Variants in TCF4 observed in about 807,000 individuals in gnomAD.
TCF4 encodes SL3-3 enhancer factor 2.
Under a neutral mutation model 82.1 loss-of-function variants are expected in TCF4, and 3 were observed. The ratio of observed to expected loss-of-function variants is 0.04; its 90% CI spans 0.02 to 0.09. The LOEUF (loss-of-function observed/expected upper bound fraction) is 0.09, where lower values mean the gene tolerates loss of function less well. Among genes scored for constraint, TCF4 ranks in the 10% least tolerant of loss-of-function variants. TCF4 has a pLI of 1.00. For synonymous variants in TCF4, 276 were observed against 309.6 expected, an observed-to-expected ratio of 0.89 and a Z score of 1.14; for missense variants, 518 against 852.7, an observed-to-expected ratio of 0.61 and a Z score of 4.89.
intron 3 of TCF4, among the ~76,000 whole-genome samples, chr18:55,522,103 A>C (rs2096938070): frequency 6.6e-6 from 1 of 152,146 alleles, no homozygotes; most frequent in South Asian, 2.1e-4. Flanking sequence ...TGTAGACAAA[A>C]CTAAAAACTG....
chr18:55,485,872 A>G lies in TCF4; in HGVS notation c.146-21735T>C, dbSNP rs574727424. On this transcript the variant is annotated intron_variant, in intron 3 of 19. Coordinates refer to ENST00000354452, the MANE Select transcript of TCF4 (RefSeq NM_001083962.2). ...GATCAGCTACCATTTGGCAAACCAC[A>G]CTGTCTGGATGTGTCACACACACAG... 5.9e-5 allele frequency among the ~76,000 whole-genome samples: 9 copies of G among 152,278 alleles called. No individual in the cohort carries two copies. The East Asian group carries it at 1.7e-3, about 29-fold the overall frequency.
intron 8 of TCF4, among the ~76,000 whole-genome samples, chr18:55,305,931 T>C (rs190726104): frequency 9.8e-5 from 15 of 152,304 alleles, no homozygotes; most frequent in Admixed American, 5.2e-4. Flanking sequence ...GGTGAACTAT[T>C]TTCCCAAGAG....
chr18:55,321,561 G>A (rs2147488214), intron 8 of TCF4: 3 of 1,443,186 alleles, frequency 2.1e-6, no homozygotes, highest in South Asian at 1.2e-5. Context: ...CACCCAGGAA[G>A]GTGCGGCAGT....
At chr18:55,634,182 T>C (rs922586375) in intron 1 of TCF4, among the ~76,000 whole-genome samples, 35 of 152,114 alleles carry the variant, frequency 2.3e-4, no homozygotes, top group African/African-American at 8.0e-4. Context: ...GACAGGAGAA[T>C]GGCTTGAGCC....
At chr18:55,621,404 TGCCTG>T (rs2097717943) in intron 2 of TCF4, among the ~76,000 whole-genome samples, 2 of 40,704 alleles carry the variant, frequency 4.9e-5, no homozygotes, top group South Asian at 9.4e-4. Flanking sequence ...TATGGGGTAC[TGCCTG>T]ATATATATAT....
chr18:55,346,532 G>A (rs2081220195), intron 8 of TCF4, among the ~76,000 whole-genome samples: 1 of 152,134 alleles, frequency 6.6e-6, no homozygotes, highest in Non-Finnish European at 1.5e-5. Context: ...CACTGGAGAT[G>A]AGAGGTCATA....
At chr18:55,462,852 G>T (rs1009358433) in intron 4 of TCF4, among the ~76,000 whole-genome samples, 2 of 152,174 alleles carry the variant, frequency 1.3e-5, no homozygotes, top group Admixed American at 6.6e-5. Flanking sequence ...AAGCTCGACA[G>T]CTGGTGTAAG....
intron 3 of TCF4, among the ~76,000 whole-genome samples, chr18:55,474,874 A>G (rs1311797174): frequency 6.6e-6 from 1 of 152,154 alleles, no homozygotes; most frequent in Non-Finnish European, 1.5e-5. Context: ...TCCTAGGCTT[A>G]GGAGATCCTC....
At position 55,358,414 on chromosome 18, in the gene TCF4, G is replaced by A. The variant is rs1051365050; in HGVS notation, c.370-7411C>T. Among the ~76,000 whole-genome samples, 3 of 152,314 alleles carry A rather than the reference G, an allele frequency of 2.0e-5. No individual in the cohort carries two copies. The East Asian group carries it at 5.8e-4, about 29-fold the overall frequency. ...TGAATATAAGAAGAGTGGCAAGGAC[G>A]GTAGGTATAGCAGGAGCAGCAGCAG... On this transcript the variant is annotated intron_variant, in intron 6 of 19. Coordinates refer to ENST00000354452, the MANE Select transcript of TCF4 (RefSeq NM_001083962.2).
chr18:55,304,858 G>T (rs897657517), intron 8 of TCF4, among the ~76,000 whole-genome samples: 2 of 152,120 alleles, frequency 1.3e-5, no homozygotes, highest in Non-Finnish European at 2.9e-5. Flanking sequence ...AGCCTGAACC[G>T]CCTTTCAAGC....
intron 15 of TCF4, among the ~76,000 whole-genome samples, chr18:55,248,149 C>A (rs1183259002): frequency 6.6e-6 from 1 of 152,124 alleles, no homozygotes; most frequent in Admixed American, 6.5e-5. Flanking sequence ...AGAGGAGCAA[C>A]TGATAAATTG....
chr18:55,303,059 C>T (rs1390408396), intron 8 of TCF4, among the ~76,000 whole-genome samples: 1 of 151,678 alleles, frequency 6.6e-6, no homozygotes, highest in African/African-American at 2.4e-5. Flanking sequence ...AGCAGTAAAG[C>T]AAAAAAGTAA....
chr18:55,238,436 ACT>A (rs2050199017), intron 15 of TCF4, among the ~76,000 whole-genome samples: 1 of 152,206 alleles, frequency 6.6e-6, no homozygotes, highest in Non-Finnish European at 1.5e-5. Flanking sequence ...CATGCCTGTC[ACT>A]TTGGGAGACA....
At chr18:55,371,382 C>T (rs535320788) in intron 6 of TCF4, among the ~76,000 whole-genome samples, 1 of 152,260 alleles carries the variant, frequency 6.6e-6, no homozygotes, top group Admixed American at 6.5e-5. Context: ...AGACAAGACA[C>T]TTAACTCCCC....
chr18:55,625,906 A>G (rs2097726144), intron 2 of TCF4, among the ~76,000 whole-genome samples: 1 of 152,234 alleles, frequency 6.6e-6, no homozygotes. Flanking sequence ...CTGGAGATAA[A>G]CTCAGATTCA....
chr18:55,304,473 C>T (rs1025669560), intron 8 of TCF4, among the ~76,000 whole-genome samples: 23 of 152,114 alleles, frequency 1.5e-4, no homozygotes, highest in Non-Finnish European at 8.8e-5. Context: ...ACCTTTACAA[C>T]CACTATAGAC....
At chr18:55,567,375 A>G (rs937304898) in intron 3 of TCF4, among the ~76,000 whole-genome samples, 8 of 152,256 alleles carry the variant, frequency 5.3e-5, no homozygotes, top group African/African-American at 1.9e-4. Flanking sequence ...TTATAAATTC[A>G]TCATCATAGC....
intron 3 of TCF4, among the ~76,000 whole-genome samples, chr18:55,480,679 T>G (rs1157505301): frequency 6.6e-6 from 1 of 152,202 alleles, no homozygotes; most frequent in African/African-American, 2.4e-5. Context: ...CCCGGTCTCT[T>G]TATTGATTCA....
chr18:55,351,843 C>T, intron 6 of TCF4: 1 of 919,224 alleles, frequency 1.1e-6, no homozygotes, highest in Non-Finnish European at 1.3e-6. Flanking sequence ...ACACATTGTT[C>T]TTTTAATTAT....
Sources: allele counts gnomAD v4.1 joint callset (sites outside exome capture counted in the v4.1 genomes callset), GRCh38; gene constraint gnomAD v4.1.1; transcripts MANE v1.5; gene names NCBI Gene and HGNC (gene_info 2026-07-23, HGNC 2026-07-21).